The following TRPC5 variants were observed in gnomAD, a reference collection of about 807,000 sequenced individuals.
The protein encoded by TRPC5 is short transient receptor potential channel 5.
TRPC5 carries 9 observed loss-of-function variants against 56.5 expected under a neutral mutation model. That is an observed-to-expected ratio of 0.16 (90% confidence interval 0.10 to 0.28). TRPC5 has a LOEUF of 0.28. TRPC5 is among the 10% of genes least tolerant of loss of function. The pLI, the probability that TRPC5 is intolerant of heterozygous loss-of-function variation, is 1.00. For synonymous variants in TRPC5, 282 were observed against 278.5 expected (o/e 1.01, Z -0.13); for missense variants, 469 against 748.9 (o/e 0.63, Z 4.36).
At chrX:112,062,358 A>C (rs1930478600) in intron 1 of TRPC5, among the ~76,000 whole-genome samples, 1 of 111,856 alleles carries the variant, frequency 8.9e-6, no homozygotes, top group African/African-American at 3.3e-5. Context: ...AAAAAACATT[A>C]AGACAAAAAA....
chrX:111,883,228 G>A (rs1487284273), intron 3 of TRPC5, among the ~76,000 whole-genome samples: 1 of 112,652 alleles, frequency 8.9e-6, no homozygotes, highest in African/African-American at 3.2e-5. Flanking sequence ...TTTTGGTCCA[G>A]TTATAACCCA....
intron 1 of TRPC5, among the ~76,000 whole-genome samples, chrX:112,019,999 G>A (rs899504165): frequency 8.9e-6 from 1 of 111,956 alleles, no homozygotes; most frequent in Admixed American, 9.5e-5. Context: ...TTTAGAAAAA[G>A]AAAACTACTT....
At chrX:111,833,842 C>T (rs1922486276) in intron 7 of TRPC5, among the ~76,000 whole-genome samples, 2 of 111,294 alleles carry the variant, frequency 1.8e-5, no homozygotes. Flanking sequence ...TAAATAACTC[C>T]TCAGTGGCAA....
intron 3 of TRPC5, among the ~76,000 whole-genome samples, chrX:111,899,398 A>AT (rs966478648): frequency 9.0e-6 from 1 of 111,641 alleles, no homozygotes; most frequent in Non-Finnish European, 1.9e-5. Flanking sequence ...ATTTATTCCA[A>AT]TTTTTTTCCA....
At chrX:111,944,958 A>G (rs1926896034) in intron 2 of TRPC5, among the ~76,000 whole-genome samples, 2 of 111,001 alleles carry the variant, frequency 1.8e-5, no homozygotes, top group South Asian at 7.8e-4. Flanking sequence ...GTAATTTGTT[A>G]TGGCAGCCCT....
In TRPC5 at chrX:111,952,088, A is replaced by G. The variant is rs752941220; in HGVS notation, c.333T>C (p.Ala111=). ...GCCTGTAGCTGAGCAGAAGCTCCAC[A>G]GCGCCCACCACTTCCTTGCGTATGG... is the stretch of plus-strand genomic sequence containing the variant. ...LYAIRKEVVG[A]VELLLSYRRP... The change falls in exon 2 of 11, where the codon GCT becomes GCC. Residue 111 remains alanine, a synonymous_variant. Transcript: ENST00000262839. 5.0e-6 allele frequency: 6 copies of G among 1,210,087 alleles called. No individual in the cohort carries two copies. The East Asian group carries it at 1.5e-4, about 30-fold the overall frequency.
intron 7 of TRPC5, among the ~76,000 whole-genome samples, chrX:111,815,580 G>A (rs1892645720): frequency 9.0e-6 from 1 of 110,681 alleles, no homozygotes; most frequent in Non-Finnish European, 1.9e-5. Context: ...AATTAGCCAG[G>A]CATGGTGGCA....
At chrX:112,054,567 T>G (rs1205335592) in intron 1 of TRPC5, among the ~76,000 whole-genome samples, 2 of 110,817 alleles carry the variant, frequency 1.8e-5, no homozygotes, top group Non-Finnish European at 3.8e-5. Flanking sequence ...ATACAGATAC[T>G]CTGGTGCCAT....
chrX:111,919,533 A>G (rs139679132), intron 2 of TRPC5, among the ~76,000 whole-genome samples: 1,742 of 112,389 alleles, frequency 0.015, 25 homozygotes, highest in African/African-American at 0.053. Context: ...TGAATTCCAG[A>G]CACACTTTCA....
At chrX:111,970,663 T>A (rs1422687941) in intron 1 of TRPC5, among the ~76,000 whole-genome samples, 1 of 111,854 alleles carries the variant, frequency 8.9e-6, no homozygotes, top group Non-Finnish European at 1.9e-5. Flanking sequence ...TATGTACCTC[T>A]ATTTGTAAAT....
intron 1 of TRPC5, among the ~76,000 whole-genome samples, chrX:112,058,925 A>G (rs753365350): frequency 4.6e-4 from 51 of 111,592 alleles, no homozygotes; most frequent in African/African-American, 1.6e-3. Flanking sequence ...AGAAAAGTTA[A>G]GCAAATTGCC....
intron 3 of TRPC5, among the ~76,000 whole-genome samples, chrX:111,899,338 T>C (rs1925227154): frequency 9.0e-6 from 1 of 111,496 alleles, no homozygotes; most frequent in African/African-American, 3.3e-5. Flanking sequence ...GTTTAGGTTG[T>C]GTAATGTACA....
chrX:111,813,737 C>T (rs976847181), intron 7 of TRPC5, among the ~76,000 whole-genome samples: 3 of 112,065 alleles, frequency 2.7e-5, no homozygotes, highest in Admixed American at 9.5e-5. Context: ...ATGGGCAGGC[C>T]GGTTGGAGAG....
At chrX:111,905,671 T>C (rs1925569751) in intron 3 of TRPC5, among the ~76,000 whole-genome samples, 1 of 110,690 alleles carries the variant, frequency 9.0e-6, no homozygotes, top group East Asian at 2.9e-4. Context: ...TCCCAGCACT[T>C]TGGGAGGCCA....
chrX:111,950,138 C>T (rs1355088813), intron 2 of TRPC5, among the ~76,000 whole-genome samples: 4 of 111,011 alleles, frequency 3.6e-5, no homozygotes, highest in African/African-American at 1.3e-4. Context: ...TCCTGGCTAA[C>T]ACAGTGAAAC....
intron 1 of TRPC5, among the ~76,000 whole-genome samples, chrX:112,051,744 G>A (rs184195518): frequency 1.1e-4 from 12 of 111,908 alleles, no homozygotes; most frequent in African/African-American, 3.9e-4. Context: ...TTTTCATCTT[G>A]CAAAACTGAA....
intron 2 of TRPC5, among the ~76,000 whole-genome samples, chrX:111,931,457 T>C (rs1348698802): frequency 1.8e-5 from 2 of 112,065 alleles, no homozygotes; most frequent in East Asian, 2.8e-4. Flanking sequence ...AGGGAGAAAA[T>C]TGCTTAAGTA....
intron 4 of TRPC5, among the ~76,000 whole-genome samples, chrX:111,853,518 G>A (rs1569526593): frequency 8.9e-6 from 1 of 112,001 alleles, no homozygotes; most frequent in Non-Finnish European, 1.9e-5. Flanking sequence ...CTAACTGACA[G>A]ACAGCTTCTC....
chrX:111,871,546 A>T (rs1461311439), intron 3 of TRPC5, among the ~76,000 whole-genome samples: 6 of 111,390 alleles, frequency 5.4e-5, no homozygotes, highest in Non-Finnish European at 9.4e-5. Flanking sequence ...ATAGTAACTC[A>T]TGGCATGAGG....
Sources: allele counts gnomAD v4.1 joint callset (sites outside exome capture counted in the v4.1 genomes callset), GRCh38; gene constraint gnomAD v4.1.1; transcripts MANE v1.5; gene names NCBI Gene and HGNC (gene_info 2026-07-23, HGNC 2026-07-21).